PKIB: variants seen among roughly 807,000 people sequenced by gnomAD.
PKIB encodes the protein PKI-beta.
A neutral mutation model predicts 4.5 loss-of-function variants in PKIB; 2 were observed. The observed-to-expected ratio is 0.44, with a 90% confidence interval of 0.18 to 1.39. The LOEUF (loss-of-function observed/expected upper bound fraction) is 1.39. Among genes scored for constraint, PKIB ranks in the 40% most tolerant of loss-of-function variants. The pLI is 0.27. For missense variants in PKIB, 94 were observed against 92.6 expected (o/e 1.02, Z -0.06); for synonymous variants, 38 against 36.0 (o/e 1.06, Z -0.20).
chr6:122,689,956 T>A (rs899001708), intron 3 of PKIB, among the ~76,000 whole-genome samples: 3 of 152,152 alleles, frequency 2.0e-5, no homozygotes, highest in Admixed American at 6.5e-5. Context: ...TGCATATATA[T>A]TTAAAATTGT....
At chr6:122,599,626 G>C (rs1412289620) in intron 3 of PKIB, among the ~76,000 whole-genome samples, 1 of 152,046 alleles carries the variant, frequency 6.6e-6, no homozygotes, top group Admixed American at 6.5e-5. Context: ...CTGAACTTAG[G>C]AGCAACCAAC....
At chr6:122,539,230 G>C (rs987297476) in intron 2 of PKIB, among the ~76,000 whole-genome samples, 6 of 151,994 alleles carry the variant, frequency 3.9e-5, no homozygotes, top group East Asian at 1.9e-4. Context: ...TGAATAGGAG[G>C]GGTGAGAGAG....
At position 122,486,064 on chromosome 6, in the gene PKIB, C is replaced by A. The variant is rs113683264; in HGVS notation, c.-248+8125C>A. ...TCATCACAAAATATACCCATGTAAC[C>A]TCCACATTACCCCCCTGACTCTAAA... On this transcript the variant is annotated intron_variant, in intron 2 of 6. Transcript: ENST00000392491. 2.0e-3 allele frequency among the ~76,000 whole-genome samples: 297 copies of A among 152,240 alleles called. 2 individuals carry two copies. Among genetic ancestry groups the A allele is most frequent in the African/African-American group, 6.8e-3 (283 of 41,554 alleles).
intron 1 of PKIB, among the ~76,000 whole-genome samples, chr6:122,626,559 G>A (rs1019963780): frequency 3.3e-5 from 5 of 152,156 alleles, no homozygotes; most frequent in East Asian, 1.9e-4. Context: ...CAGAAGATGC[G>A]GCATTTGAGT....
intron 1 of PKIB, among the ~76,000 whole-genome samples, chr6:122,629,707 A>T (rs926112004): frequency 3.8e-4 from 58 of 152,294 alleles, no homozygotes; most frequent in African/African-American, 1.2e-3. Flanking sequence ...TGAAAATGGC[A>T]CTTTTCCTCT....
intron 3 of PKIB, among the ~76,000 whole-genome samples, chr6:122,590,567 G>A (rs1773988922): frequency 6.6e-6 from 1 of 152,186 alleles, no homozygotes; most frequent in African/African-American, 2.4e-5. Context: ...GTGTATAAAT[G>A]TAGGCAGACT....
chr6:122,583,834 G>T (rs1562260212), intron 2 of PKIB, among the ~76,000 whole-genome samples: 1 of 152,062 alleles, frequency 6.6e-6, no homozygotes, highest in Non-Finnish European at 1.5e-5. Context: ...AGACTAGTGA[G>T]AATAGAGCAA....
At chr6:122,511,674 C>T (rs1005140664) in intron 2 of PKIB, among the ~76,000 whole-genome samples, 3 of 152,132 alleles carry the variant, frequency 2.0e-5, no homozygotes, top group African/African-American at 4.8e-5. Context: ...CAAAAGGCGC[C>T]GAGCTCTGGT....
chr6:122,577,674 C>A (rs1326194899), intron 2 of PKIB, among the ~76,000 whole-genome samples: 1 of 151,996 alleles, frequency 6.6e-6, no homozygotes, highest in East Asian at 1.9e-4. Flanking sequence ...CTTTAGGAGG[C>A]CAAGGCGGGC....
intron 2 of PKIB, among the ~76,000 whole-genome samples, chr6:122,490,164 A>C (rs1775897300): frequency 6.6e-6 from 1 of 152,236 alleles, no homozygotes; most frequent in Admixed American, 6.5e-5. Flanking sequence ...ATTGTGTCTA[A>C]GTCCTCCAAA....
At chr6:122,558,451 A>G (rs1772913014) in intron 2 of PKIB, among the ~76,000 whole-genome samples, 1 of 152,212 alleles carries the variant, frequency 6.6e-6, no homozygotes. Flanking sequence ...GTACAGTCAG[A>G]CTAGTCCCCA....
chr6:122,492,595 T>C (rs1775967825), intron 2 of PKIB, among the ~76,000 whole-genome samples: 1 of 152,220 alleles, frequency 6.6e-6, no homozygotes, highest in Non-Finnish European at 1.5e-5. Flanking sequence ...GTGATCAAAC[T>C]ACATTTTCCT....
chr6:122,669,052 T>TA (rs761504948), intron 2 of PKIB, among the ~76,000 whole-genome samples: 2 of 152,158 alleles, frequency 1.3e-5, no homozygotes, highest in South Asian at 2.1e-4. Flanking sequence ...CCATTCCTAT[T>TA]AAAAAAACAA....
At chr6:122,597,153 A>G (rs1457604759) in intron 3 of PKIB, among the ~76,000 whole-genome samples, 1 of 152,202 alleles carries the variant, frequency 6.6e-6, no homozygotes, top group East Asian at 1.9e-4. Flanking sequence ...TGTCTCACCA[A>G]CAAGTCCAGT....
chr6:122,708,044 C>G (rs1208252478), intron 3 of PKIB, among the ~76,000 whole-genome samples: 1 of 152,070 alleles, frequency 6.6e-6, no homozygotes, highest in Non-Finnish European at 1.5e-5. Context: ...GGCTTTTGGT[C>G]CTATGAATAC....
At chr6:122,530,121 T>C (rs971435679) in intron 2 of PKIB, among the ~76,000 whole-genome samples, 1 of 152,112 alleles carries the variant, frequency 6.6e-6, no homozygotes, top group African/African-American at 2.4e-5. Context: ...TCTTTACTCT[T>C]TTTTATGTTT....
chr6:122,647,312 A>C (rs1776362398), intron 2 of PKIB, among the ~76,000 whole-genome samples: 1 of 152,232 alleles, frequency 6.6e-6, no homozygotes, highest in African/African-American at 2.4e-5. Flanking sequence ...TGCAGATATT[A>C]GTCACATTTA....
rs201435717 is a variant in PKIB, at chr6:122,472,555, A to AT, written c.-337+521dup. 9.1e-3 allele frequency among the ~76,000 whole-genome samples: 1,379 copies of AT among 152,304 alleles called. 4 individuals carry two copies. The highest frequency in any genetic ancestry group is 0.024 in the Middle Eastern group (7 of 294). The stretch of plus-strand genomic sequence containing the variant: ...ATGCATTCCTATAAAAGTTCCAGTT[A>AT]TTTTTTTAGAGTTATTTGTTCTTGA... On this transcript the variant is annotated intron_variant, in intron 1 of 6. Coordinates refer to the PKIB transcript ENST00000392491.
chr6:122,629,952 T>C (rs1775626938), intron 1 of PKIB, among the ~76,000 whole-genome samples: 2 of 152,162 alleles, frequency 1.3e-5, no homozygotes, highest in South Asian at 4.1e-4. Flanking sequence ...TAAAGAGATA[T>C]CAGGTATGGG....
Sources: allele counts gnomAD v4.1 joint callset (sites outside exome capture counted in the v4.1 genomes callset), GRCh38; gene constraint gnomAD v4.1.1; transcripts MANE v1.5; gene names NCBI Gene and HGNC (gene_info 2026-07-23, HGNC 2026-07-21).